DLEC1: variants seen among roughly 807,000 people sequenced by gnomAD.
DLEC1 encodes DLEC1 cilia and flagella associated protein, also known as deleted in lung and esophageal cancer protein 1.
In DLEC1, 146 loss-of-function variants were observed where a neutral mutation model predicts 198.1. The ratio of observed to expected loss-of-function variants is 0.74; its 90% confidence interval spans 0.64 to 0.85. The LOEUF (loss-of-function observed/expected upper bound fraction) is 0.85, where lower values mean the gene tolerates loss of function less well. DLEC1 is among the 40% of genes least tolerant of loss of function. DLEC1 has a pLI of 0.00. For missense variants in DLEC1, 2,233 were observed against 2,220.0 expected (o/e 1.01, Z -0.12); for synonymous variants, 897 against 866.8 (o/e 1.03, Z -0.61).
At chr3:38,105,931 T>G (rs1214343229) in intron 19 of DLEC1, among the ~76,000 whole-genome samples, 1 of 152,234 alleles carries the variant, frequency 6.6e-6, no homozygotes, top group African/African-American at 2.4e-5. Context: ...CATGTTTCTT[T>G]TACTTTTTAA....
chr3:38,093,874 G>C, intron 12 of DLEC1, 107 bp downstream of exon 12: 1 of 1,401,106 alleles, frequency 7.1e-7, no homozygotes, highest in Non-Finnish European at 9.7e-7. Context: ...GGAAGACTGG[G>C]CACAGAATGG....
At chr3:38,110,027 A>G in intron 22 of DLEC1, 72 bp from the exon 23 acceptor site, 2 of 1,555,946 alleles carry the variant, frequency 1.3e-6, no homozygotes. Context: ...ATGCCCACCC[A>G]AGATGGCTCC....
intron 4 of DLEC1, 34 bp downstream of exon 4, chr3:38,062,402 G>T (rs756490994): frequency 5.1e-5 from 82 of 1,613,024 alleles, no homozygotes; most frequent in East Asian, 2.2e-5. Flanking sequence ...GCAGTGTTTG[G>T]GGGGACAGAG....
chr3:38,065,431 C>T (rs376603204), intron 6 of DLEC1, among the ~76,000 whole-genome samples: 23 of 151,836 alleles, frequency 1.5e-4, no homozygotes, highest in Admixed American at 3.3e-4. Flanking sequence ...AGGGAGAGGG[C>T]GGAAATTTTT....
chr3:38,058,237 A>T (rs80171470), intron 2 of DLEC1, among the ~76,000 whole-genome samples: 1,959 of 152,256 alleles, frequency 0.013, 38 homozygotes, highest in African/African-American at 0.043. Flanking sequence ...ACACTCCCAT[A>T]TCTTCTTGCC....
At chr3:38,114,269 TG>T in intron 25 of DLEC1, 72 bp from the exon 26 acceptor site, 1 of 1,457,814 alleles carries the variant, frequency 6.9e-7, no homozygotes, top group Non-Finnish European at 9.6e-7. Context: ...GCTGGACAAG[TG>T]GAGGCCTTGC....
At chr3:38,109,655 C>T (rs781636406) in intron 22 of DLEC1, 93 bp downstream of exon 22, 39 of 1,576,084 alleles carry the variant, frequency 2.5e-5, no homozygotes, top group Admixed American at 3.5e-5. Context: ...TATCAGTCTG[C>T]GCCCATCTGA....
Position 38,116,667 on chromosome 3 carries a change from G to A in DLEC1, c.4062+9G>A. Reference sequence around the variant, plus strand: ...ATGAAACTGACTCATCAGTGAGCAGGGGTGGAGGGGCGGGGCAGGCTGGCC... The same window carrying A: ...ATGAAACTGACTCATCAGTGAGCAGAGGTGGAGGGGCGGGGCAGGCTGGCC... On this transcript the variant is annotated intron_variant, in intron 28 of 36. Transcript: ENST00000308059. 1 of 1,613,736 alleles carries A rather than the reference G, an allele frequency of 6.2e-7. No individual in the cohort carries two copies. The highest frequency in any genetic ancestry group is 8.5e-7 in the Non-Finnish European group (1 of 1,179,650).
chr3:38,118,113 G>T lies in DLEC1; in HGVS notation c.4704+89G>T. The T allele has an allele frequency of 2.1e-6, 3 of 1,422,368 alleles. No individual in the cohort carries two copies. The South Asian group carries it at 4.0e-5, about 19-fold the overall frequency. The allele number at this position is 1,422,368 out of a possible 1,614,324, so 88.1% of individuals were successfully genotyped here. A position where few individuals can be genotyped will look rare whatever the true frequency, so the allele number is the denominator to read the frequency against. ...CCCTGCACGCCACCCTCAGGTGCTT[G>T]TACCCAGACGCAAACTGCATGCCTG... On this transcript the variant is annotated intron_variant, in intron 33 of 36. Coordinates refer to ENST00000308059, the MANE Select transcript of DLEC1 (RefSeq NM_007335.4).
chr3:38,106,755 C>CAAAAAAAA (rs4019982), intron 19 of DLEC1, among the ~76,000 whole-genome samples: 1 of 38,974 alleles, frequency 2.6e-5, no homozygotes, highest in Non-Finnish European at 5.2e-5. Flanking sequence ...GACTCTATCT[C>CAAAAAAAA]AAAAAAAAAA....
intron 6 of DLEC1, among the ~76,000 whole-genome samples, chr3:38,064,316 A>C (rs1575408215): frequency 6.6e-6 from 1 of 152,158 alleles, no homozygotes; most frequent in Non-Finnish European, 1.5e-5. Flanking sequence ...TTCAGAGAGC[A>C]CGGGGTTGGG....
rs1559472064 is a variant in DLEC1, at chr3:38,122,488, GCACAAAGA to G, written c.*81_*88del. 3 of 1,613,244 alleles carry G rather than the reference GCACAAAGA, an allele frequency of 1.9e-6. No individual in the cohort carries two copies. Among genetic ancestry groups the G allele is most frequent in the Non-Finnish European group, 2.5e-6 (3 of 1,179,820 alleles). On this transcript the variant is annotated 3_prime_UTR_variant, in exon 37 of 37. Transcript: ENST00000308059. Reference sequence around the variant, plus strand: ...CCCAGGGATTAGGAGCAGCTCTTCAGCACAAAGACACAGACTTGGGGACCTGGGGACCT... The same window carrying G: ...CCCAGGGATTAGGAGCAGCTCTTCAGCACAGACTTGGGGACCTGGGGACCT...
rs372712727 is a variant in DLEC1, at chr3:38,121,736, C to G, written c.4975C>G (p.Leu1659Val). 1.5e-5 allele frequency: 24 copies of G among 1,614,052 alleles called. No homozygotes were observed. In the African/African-American group the frequency reaches 1.7e-4, roughly 12 times the overall value. The change falls in exon 35 of 37, where the codon CTG becomes GTG. Residue 1659 changes from leucine (L) to valine (V), a missense_variant. Physicochemically the swap from Leu to Val is conservative, Grantham distance 32. Coordinates refer to ENST00000308059, the MANE Select transcript of DLEC1 (RefSeq NM_007335.4). ...CCAGCAGCGAGTCCGGGAGGTCTAC[C>G]TGATGAACCTGAGCGGGTGCCGAAG... ...VSQQRVREVYLMNLSGCRSYW... is the reference protein window; with the variant it reads ...VSQQRVREVYVMNLSGCRSYW...
chr3:38,120,569 C>T lies in DLEC1; in HGVS notation c.4826C>T (p.Thr1609Ile). 2 of 1,614,020 alleles carry T rather than the reference C, an allele frequency of 1.2e-6. No individual in the cohort carries two copies. Among genetic ancestry groups the T allele is most frequent in the Non-Finnish European group, 1.7e-6 (2 of 1,180,032 alleles). The change falls in exon 34 of 37, where the codon ACT (threonine) becomes ATT (isoleucine). Residue 1609 changes from threonine (T) to isoleucine (I), a missense_variant. Coordinates refer to ENST00000308059, the MANE Select transcript of DLEC1 (RefSeq NM_007335.4). ...AGTGGAGAGAGAGAGATGGTGTTTA[C>T]TCAGAACCTGCTCCTGGAGTACACC... ...SASGEREMVF[T>I]QNLLLEYTNQ...
At chr3:38,084,277 T>C (rs1381846268) in intron 7 of DLEC1, 32 bp downstream of exon 7, 5 of 1,573,004 alleles carry the variant, frequency 3.2e-6, no homozygotes, top group Non-Finnish European at 4.4e-6. Flanking sequence ...TCATTAGTAG[T>C]AGTGGTAATA....
chr3:38,088,484 T>C, intron 10 of DLEC1, 96 bp downstream of exon 10: 2 of 1,181,868 alleles, frequency 1.7e-6, no homozygotes. Flanking sequence ...CCATCCCATA[T>C]CACAGCCTTA....
chr3:38,096,832 C>T, intron 15 of DLEC1, 95 bp downstream of exon 15: 3 of 1,401,134 alleles, frequency 2.1e-6, no homozygotes, highest in Non-Finnish European at 2.9e-6. Context: ...CAGATGGTAG[C>T]AGCCACTGCA....
chr3:38,048,014 T>C (rs893457540), intron 2 of DLEC1, among the ~76,000 whole-genome samples: 1 of 152,226 alleles, frequency 6.6e-6, no homozygotes, highest in Non-Finnish European at 1.5e-5. Context: ...TGAGGTTTGT[T>C]TGGTTGTTTT....
chr3:38,051,680 G>T, intron 2 of DLEC1: 1 of 219,828 alleles, frequency 4.5e-6, no homozygotes, highest in South Asian at 8.7e-5. Context: ...CATTCTAGGG[G>T]AGAATATAAT....
Sources: allele counts gnomAD v4.1 joint callset (sites outside exome capture counted in the v4.1 genomes callset), GRCh38; gene constraint gnomAD v4.1.1; transcripts MANE v1.5; gene names NCBI Gene and HGNC (gene_info 2026-07-23, HGNC 2026-07-21).